The following CTIF variants were observed in gnomAD, a reference collection of about 807,000 sequenced individuals.
CTIF encodes CBP80/20-dependent translation initiation factor.
Under a neutral mutation model 66.0 loss-of-function variants are expected in CTIF, and 21 were observed. That is an observed-to-expected ratio of 0.32 (90% confidence interval 0.23 to 0.46). The LOEUF (loss-of-function observed/expected upper bound fraction) is 0.46. Among genes scored for constraint, CTIF ranks in the 20% least tolerant of loss-of-function variants. The probability of loss-of-function intolerance (pLI) is 1.00; values close to 1 mark genes in which losing one functional copy is unlikely to be tolerated. For missense variants in CTIF, 739 were observed against 812.7 expected, an observed-to-expected ratio of 0.91 and a Z score of 1.10; for synonymous variants, 345 against 326.4, an observed-to-expected ratio of 1.06 and a Z score of -0.62.
chr18:48,692,964 G>A (rs369533410), intron 6 of CTIF, among the ~76,000 whole-genome samples: 2 of 152,270 alleles, frequency 1.3e-5, no homozygotes, highest in African/African-American at 4.8e-5. Context: ...ACCTTGTCTC[G>A]ACCTTGATAG....
chr18:48,687,447 C>A (rs1456695309), intron 6 of CTIF, among the ~76,000 whole-genome samples: 1 of 151,896 alleles, frequency 6.6e-6, no homozygotes, highest in African/African-American at 2.4e-5. Context: ...TCAGACCTTA[C>A]AAAGATTCAG....
At position 48,758,024 on chromosome 18, in the gene CTIF, C is replaced by T. The variant is rs1304848892; in HGVS notation, c.690C>T (p.Gly230=). ...ACCACCAGAAATCCTACCAGGGGGG[C>T]TCAGCACCCCACCCCTCAGGGAGGC... is the stretch of plus-strand genomic sequence containing the variant. ...NRDHQKSYQG[G]SAPHPSGRPT... is the part of the protein sequence containing the mutation. Residue 230 remains glycine, a synonymous_variant, in exon 8 of 12, where the codon GGC becomes GGT. Transcript: ENST00000256413. The T allele has an allele frequency of 1.2e-6, 2 of 1,613,940 alleles. No homozygotes were observed. Among genetic ancestry groups the T allele is most frequent in the Non-Finnish European group, 1.7e-6 (2 of 1,180,000 alleles).
At chr18:48,592,705 C>T (rs555734406) in intron 1 of CTIF, among the ~76,000 whole-genome samples, 1 of 152,314 alleles carries the variant, frequency 6.6e-6, no homozygotes, top group East Asian at 1.9e-4. Context: ...TCATTGTTAA[C>T]AGTTGGAGAC....
chr18:48,604,754 A>C (rs987535560), intron 1 of CTIF, among the ~76,000 whole-genome samples: 2 of 152,134 alleles, frequency 1.3e-5, no homozygotes, highest in African/African-American at 4.8e-5. Context: ...TCTAAAAGAA[A>C]CCCTTTAGCT....
At chr18:48,560,148 TCA>T (rs2089119820) in intron 1 of CTIF, among the ~76,000 whole-genome samples, 1 of 151,948 alleles carries the variant, frequency 6.6e-6, no homozygotes, top group African/African-American at 2.4e-5. Flanking sequence ...GGTCAAGCAG[TCA>T]CAGAGTCCAG....
At chr18:48,639,848 T>C (rs1235755027) in intron 3 of CTIF, among the ~76,000 whole-genome samples, 7 of 152,136 alleles carry the variant, frequency 4.6e-5, no homozygotes, top group Non-Finnish European at 1.0e-4. Flanking sequence ...TCCATGCATC[T>C]GCCCGTGGGG....
intron 7 of CTIF, among the ~76,000 whole-genome samples, chr18:48,757,120 C>G (rs986140809): frequency 1.3e-5 from 2 of 152,150 alleles, no homozygotes; most frequent in Admixed American, 6.6e-5. Flanking sequence ...TGCAGCCTCC[C>G]TGGTGTCTCT....
At chr18:48,623,794 T>C (rs1026158853) in intron 2 of CTIF, among the ~76,000 whole-genome samples, 11 of 152,116 alleles carry the variant, frequency 7.2e-5, no homozygotes, top group Non-Finnish European at 1.5e-4. Context: ...CTCATGATGT[T>C]TGTACACTTG....
At chr18:48,848,071 A>C (rs1457433802) in intron 10 of CTIF, among the ~76,000 whole-genome samples, 2 of 152,116 alleles carry the variant, frequency 1.3e-5, no homozygotes, top group Admixed American at 6.5e-5. Flanking sequence ...ACCATCCTAG[A>C]GCCCTGCAGG....
At chr18:48,842,654 A>G (rs1310442275) in intron 10 of CTIF, among the ~76,000 whole-genome samples, 1 of 152,212 alleles carries the variant, frequency 6.6e-6, no homozygotes, top group Non-Finnish European at 1.5e-5. Context: ...GCAGTCGCTG[A>G]TTCTACAGGC....
At chr18:48,594,345 A>G (rs1276051284) in intron 1 of CTIF, among the ~76,000 whole-genome samples, 2 of 120,626 alleles carry the variant, frequency 1.7e-5, no homozygotes, top group South Asian at 3.0e-4. Flanking sequence ...CCCCGCCCCA[A>G]CTGGGCCTCG....
At chr18:48,858,218 G>A (rs571055483) in intron 11 of CTIF, among the ~76,000 whole-genome samples, 11 of 152,370 alleles carry the variant, frequency 7.2e-5, no homozygotes, top group African/African-American at 2.2e-4. Context: ...GCTTCCAGAC[G>A]AGGACCTGGG....
intron 10 of CTIF, among the ~76,000 whole-genome samples, chr18:48,853,707 A>T (rs1383038606): frequency 6.6e-6 from 1 of 152,168 alleles, no homozygotes; most frequent in Non-Finnish European, 1.5e-5. Context: ...TGGAGCCTGC[A>T]CCCTAGTTTG....
At chr18:48,554,589 G>T (rs1284746729) in intron 1 of CTIF, among the ~76,000 whole-genome samples, 1 of 152,272 alleles carries the variant, frequency 6.6e-6, no homozygotes, top group Non-Finnish European at 1.5e-5. Context: ...TCGTACTCTG[G>T]TGGGCTGGGA....
At chr18:48,704,473 C>T (rs1358186385) in intron 6 of CTIF, among the ~76,000 whole-genome samples, 1 of 152,144 alleles carries the variant, frequency 6.6e-6, no homozygotes, top group African/African-American at 2.4e-5. Context: ...GGTTAGTTTC[C>T]CGGGGCCGCC....
At chr18:48,597,425 G>T (rs2090006389) in intron 1 of CTIF, among the ~76,000 whole-genome samples, 1 of 152,204 alleles carries the variant, frequency 6.6e-6, no homozygotes. Flanking sequence ...AGTGTTGGAG[G>T]TGGGGCCTGG....
chr18:48,582,822 A>G (rs1288414970), intron 1 of CTIF, among the ~76,000 whole-genome samples: 2 of 152,184 alleles, frequency 1.3e-5, no homozygotes, highest in Non-Finnish European at 2.9e-5. Context: ...TGAGGCATAG[A>G]GACTTCAGCA....
intron 10 of CTIF, among the ~76,000 whole-genome samples, chr18:48,853,238 T>C (rs1205219050): frequency 6.6e-6 from 1 of 152,062 alleles, no homozygotes; most frequent in Non-Finnish European, 1.5e-5. Flanking sequence ...CAAACAAGTA[T>C]ATAATATGTC....
chr18:48,859,095 C>T (rs1447399552), intron 11 of CTIF, among the ~76,000 whole-genome samples: 1 of 152,148 alleles, frequency 6.6e-6, no homozygotes, highest in African/African-American at 2.4e-5. Context: ...GCTCTTTCAG[C>T]CCTGGGCAGT....
Sources: allele counts gnomAD v4.1 joint callset (sites outside exome capture counted in the v4.1 genomes callset), GRCh38; gene constraint gnomAD v4.1.1; transcripts MANE v1.5; gene names NCBI Gene and HGNC (gene_info 2026-07-23, HGNC 2026-07-21).